ACER3: variants seen among roughly 807,000 people sequenced by gnomAD.
ACER3 encodes alkaline ceramidase 3.
In ACER3, 16 loss-of-function variants were observed where a neutral mutation model predicts 48.9. That is an observed-to-expected ratio of 0.33 (90% confidence interval 0.22 to 0.50). The LOEUF (loss-of-function observed/expected upper bound fraction) is 0.50. ACER3 is among the 20% of genes least tolerant of loss of function. The probability of loss-of-function intolerance (pLI) is 0.98; values close to 1 mark genes in which losing one functional copy is unlikely to be tolerated. For synonymous variants in ACER3, 109 were observed against 107.8 expected, an observed-to-expected ratio of 1.01 and a Z score of -0.07; for missense variants, 227 against 326.0, an observed-to-expected ratio of 0.70 and a Z score of 2.34.
chr11:76,905,734 ACTAT>A (rs1946212860), intron 1 of ACER3, among the ~76,000 whole-genome samples: 3 of 152,250 alleles, frequency 2.0e-5, no homozygotes, highest in African/African-American at 7.2e-5. Context: ...ATGATAGCAT[ACTAT>A]ACAGAAATTA....
intron 7 of ACER3, among the ~76,000 whole-genome samples, chr11:77,012,083 G>A (rs1454958842): frequency 6.6e-6 from 1 of 151,902 alleles, no homozygotes; most frequent in Admixed American, 6.6e-5. Flanking sequence ...ACTTGCAAAT[G>A]ACATGATCAT....
chr11:76,935,466 T>C (rs1044738495), intron 2 of ACER3, among the ~76,000 whole-genome samples: 4 of 152,116 alleles, frequency 2.6e-5, no homozygotes, highest in African/African-American at 9.7e-5. Context: ...ATTGTAAAAA[T>C]GAAATTATTG....
intron 1 of ACER3, among the ~76,000 whole-genome samples, chr11:76,915,565 G>A (rs1331291186): frequency 1.3e-5 from 2 of 152,130 alleles, no homozygotes; most frequent in African/African-American, 4.8e-5. Context: ...ACTATCACCC[G>A]ACATTTCTAG....
At chr11:77,010,954 T>G (rs573397557) in intron 7 of ACER3, among the ~76,000 whole-genome samples, 103 of 152,346 alleles carry the variant, frequency 6.8e-4, no homozygotes, top group Middle Eastern at 3.4e-3. Context: ...TCCCATTAAA[T>G]ATTGCTCAAG....
At chr11:76,925,934 T>A (rs888154548) in intron 1 of ACER3, among the ~76,000 whole-genome samples, 22 of 152,220 alleles carry the variant, frequency 1.4e-4, no homozygotes, top group African/African-American at 5.1e-4. Flanking sequence ...CCATTTTATT[T>A]ACTTATAAAT....
chr11:76,968,473 C>T (rs1345636734), intron 3 of ACER3, among the ~76,000 whole-genome samples: 2 of 152,094 alleles, frequency 1.3e-5, no homozygotes, highest in Non-Finnish European at 2.9e-5. Flanking sequence ...AAAAAAGAGC[C>T]CGCATAGCCA....
intron 1 of ACER3, among the ~76,000 whole-genome samples, chr11:76,876,194 G>C (rs932703518): frequency 6.6e-6 from 1 of 151,938 alleles, no homozygotes; most frequent in Non-Finnish European, 1.5e-5. Context: ...CATCAGCCAG[G>C]AAAGTTCCCT....
Position 77,023,037 on chromosome 11 carries a change from G to T in ACER3, c.*2710G>T. ...TTTCTAAAGAACAGCTAGGTGAAAG[G>T]AGGTTAAGCTGATTGTCACTCTGCC... On this transcript the variant is annotated 3_prime_UTR_variant, in exon 11 of 11. Coordinates refer to ENST00000532485, the MANE Select transcript of ACER3 (RefSeq NM_018367.7). 2.5e-6 allele frequency: 1 copy of T among 398,396 alleles called. No individual in the cohort carries two copies. Among genetic ancestry groups the T allele is most frequent in the South Asian group, 1.3e-4 (1 of 7,802 alleles). 24.7% of individuals were successfully genotyped at this position (398,396 alleles called of 1,614,324 possible).
intron 2 of ACER3, among the ~76,000 whole-genome samples, chr11:76,945,974 C>T (rs1481246802): frequency 6.6e-6 from 1 of 152,180 alleles, no homozygotes; most frequent in Non-Finnish European, 1.5e-5. Flanking sequence ...GTGGTTGCAG[C>T]CGAGTAGCCT....
At chr11:76,969,875 A>G (rs1948246011) in intron 3 of ACER3, among the ~76,000 whole-genome samples, 3 of 151,922 alleles carry the variant, frequency 2.0e-5, no homozygotes, top group Middle Eastern at 3.4e-3. Flanking sequence ...CAGCACACCA[A>G]CATGGCACAT....
intron 1 of ACER3, among the ~76,000 whole-genome samples, chr11:76,905,083 C>T (rs934591459): frequency 6.6e-6 from 1 of 152,138 alleles, no homozygotes; most frequent in Admixed American, 6.5e-5. Context: ...AACTCCTGAC[C>T]TCAGGTGATC....
rs533840620 is a variant in ACER3 at position 76,968,799 on chromosome 11, G to C, written c.268-7490G>C. ...CCTTATACAAAAATTAATTCAAGAT[G>C]GATTAAAGACTTACATGTTAGACCT... On this transcript the variant is annotated intron_variant, in intron 3 of 10. Coordinates refer to ENST00000532485, the MANE Select transcript of ACER3 (RefSeq NM_018367.7). Among the ~76,000 whole-genome samples the C allele has an allele frequency of 6.6e-5, 10 of 152,206 alleles. No homozygotes were observed. The East Asian group carries it at 1.3e-3, about 21-fold the overall frequency.
At chr11:76,917,004 C>A (rs1277603724) in intron 1 of ACER3, among the ~76,000 whole-genome samples, 1 of 152,156 alleles carries the variant, frequency 6.6e-6, no homozygotes, top group Non-Finnish European at 1.5e-5. Flanking sequence ...ATGGAGCTCC[C>A]AAGTTCTTCT....
At chr11:76,995,520 A>C (rs571951820) in intron 6 of ACER3, among the ~76,000 whole-genome samples, 126 of 152,320 alleles carry the variant, frequency 8.3e-4, no homozygotes, top group South Asian at 1.9e-3. Flanking sequence ...ACAACTATTA[A>C]ATATAGAAAG....
intron 1 of ACER3, among the ~76,000 whole-genome samples, chr11:76,867,953 A>G (rs1157210883): frequency 2.0e-5 from 3 of 152,172 alleles, no homozygotes; most frequent in African/African-American, 7.2e-5. Context: ...CTATACCTTT[A>G]CTATGGGATT....
At chr11:76,939,959 A>G (rs1947293615) in intron 2 of ACER3, among the ~76,000 whole-genome samples, 1 of 152,210 alleles carries the variant, frequency 6.6e-6, no homozygotes, top group Non-Finnish European at 1.5e-5. Context: ...ACTTTATAAT[A>G]GATAGTAATA....
chr11:76,972,504 G>T (rs890034568), intron 3 of ACER3, among the ~76,000 whole-genome samples: 2 of 152,146 alleles, frequency 1.3e-5, no homozygotes, highest in Admixed American at 6.6e-5. Flanking sequence ...TCTGGATACA[G>T]ATATGATTTG....
chr11:76,944,986 C>G (rs1371728924), intron 2 of ACER3, among the ~76,000 whole-genome samples: 1 of 148,788 alleles, frequency 6.7e-6, no homozygotes, highest in Non-Finnish European at 1.5e-5. Context: ...TCTGCTTGGT[C>G]TAGTCTATTA....
intron 2 of ACER3, among the ~76,000 whole-genome samples, chr11:76,929,558 T>C (rs1946936682): frequency 6.6e-6 from 1 of 152,242 alleles, no homozygotes; most frequent in Non-Finnish European, 1.5e-5. Flanking sequence ...AAGAGAATGC[T>C]TCCAGTTTTT....
Sources: gnomAD v4.1 joint callset for allele counts (sites outside exome capture counted in the v4.1 genomes callset) on GRCh38, gnomAD v4.1.1 for gene constraint, MANE v1.5 for transcripts, NCBI Gene and HGNC (gene_info 2026-07-23, HGNC 2026-07-21) for gene names.